The following HOXC5 variants were observed in gnomAD, a reference collection of about 807,000 sequenced individuals.
HOXC5 encodes homeobox protein Hox-C5.
A neutral mutation model predicts 20.1 loss-of-function variants in HOXC5; 19 were observed. The ratio of observed to expected loss-of-function variants is 0.94; its 90% CI spans 0.66 to 1.38. HOXC5 has a LOEUF of 1.38. Ranked by LOEUF, HOXC5 falls within the 40% of genes most tolerant of loss-of-function variation. The pLI is 0.00. For synonymous variants in HOXC5, 124 were observed against 117.0 expected (o/e 1.06, Z -0.39); for missense variants, 330 against 300.1 (o/e 1.10, Z -0.74).
the HOXC5 span, among the ~76,000 whole-genome samples, chr12:54,027,920 G>A: frequency 6.6e-6 from 1 of 151,500 alleles, no homozygotes; most frequent in Non-Finnish European, 1.5e-5. Context: ...TTTAATTATT[G>A]GTGAAAAAAA....
the HOXC5 span, among the ~76,000 whole-genome samples, chr12:54,025,528 G>T: frequency 1.5e-4 from 4 of 26,040 alleles, no homozygotes; most frequent in Admixed American, 2.3e-4. Flanking sequence ...AAAGGTAATT[G>T]GGGGGGGGGG....
At position 54,035,088 on chromosome 12, in the gene HOXC5, A is replaced by C; in HGVS notation, c.*596A>C. On this transcript the variant is annotated 3_prime_UTR_variant, in exon 2 of 2. Coordinates refer to ENST00000312492, the MANE Select transcript of HOXC5 (RefSeq NM_018953.4). ...ATGCTTTCCAAACCTTATCTCCACA[A>C]CCTCTTCCCCCCAAAACCCGGGAAC... 1 of 151,554 alleles carries C rather than the reference A, an allele frequency of 6.6e-6. No homozygotes were observed. Among genetic ancestry groups the C allele is most frequent in the Admixed American group, 6.6e-5 (1 of 15,236 alleles). The allele number at this position is 151,554 out of a possible 1,614,324, so 9.4% of individuals were successfully genotyped here. A position where few individuals can be genotyped will look rare whatever the true frequency, so the allele number is the denominator to read the frequency against.
the HOXC5 span, among the ~76,000 whole-genome samples, chr12:54,026,931 A>T: frequency 6.8e-6 from 1 of 147,568 alleles, no homozygotes; most frequent in South Asian, 2.1e-4. Context: ...TGTTATAGCC[A>T]GCTTTCCCCC....
the HOXC5 span, among the ~76,000 whole-genome samples, chr12:54,018,342 G>A: frequency 6.6e-6 from 1 of 152,190 alleles, no homozygotes; most frequent in African/African-American, 2.4e-5. Flanking sequence ...GACCTGCCTC[G>A]CCTCGGGGGG....
chr12:54,019,430 G>T, the HOXC5 span, among the ~76,000 whole-genome samples: 1 of 152,142 alleles, frequency 6.6e-6, no homozygotes, highest in Non-Finnish European at 1.5e-5. Context: ...AGTGCGGTGG[G>T]ACACAAGAGG....
upstream of HOXC5, chr12:54,029,984 CT>C: frequency 6.6e-7 from 1 of 1,505,768 alleles, no homozygotes; most frequent in Non-Finnish European, 8.9e-7. Flanking sequence ...CCTGCCACCC[CT>C]CTCTCCCTTT....
chr12:54,026,709 C>A, the HOXC5 span, among the ~76,000 whole-genome samples: 1 of 152,326 alleles, frequency 6.6e-6, no homozygotes, highest in African/African-American at 2.4e-5. Context: ...AACATGTTGT[C>A]TCCACCAGCT....
At chr12:54,033,942 T>A in intron 1 of HOXC5, 1 of 426,716 alleles carries the variant, frequency 2.3e-6, no homozygotes, top group Non-Finnish European at 4.6e-6. Context: ...TCCGGAGGAT[T>A]CCAGCGACTC....
upstream of HOXC5, chr12:54,029,483 C>A: frequency 6.5e-6 from 2 of 308,820 alleles, no homozygotes; most frequent in Non-Finnish European, 5.5e-6. Flanking sequence ...AAGTTGGGGT[C>A]CTCGCTGTAC....
upstream of HOXC5, chr12:54,029,659 C>T (rs1419309814): frequency 6.2e-7 from 1 of 1,611,198 alleles, no homozygotes; most frequent in East Asian, 2.2e-5. Flanking sequence ...CTTTAGGGGT[C>T]GGCTACGGAG....
rs878995393 is a variant in HOXC5 at position 54,034,721 on chromosome 12, G to A, written c.*229G>A. On this transcript the variant is annotated 3_prime_UTR_variant, in exon 2 of 2. Transcript: ENST00000312492. Reference sequence around the variant, plus strand: ...ATCTCCCCTCAGCTCGGCTCAGCTCGGTACCCGGGGCCCAGGGCAAGCTCC... The same window carrying A: ...ATCTCCCCTCAGCTCGGCTCAGCTCAGTACCCGGGGCCCAGGGCAAGCTCC... The A allele has an allele frequency of 1.9e-6, 1 of 534,906 alleles. No individual in the cohort carries two copies. The highest frequency in any genetic ancestry group is 2.1e-5 in the South Asian group (1 of 47,856). 33.1% of individuals were successfully genotyped at this position (534,906 alleles called of 1,614,324 possible).
chr12:54,028,561 C>T, upstream of HOXC5: 1 of 1,614,170 alleles, frequency 6.2e-7, no homozygotes, highest in Non-Finnish European at 8.5e-7. Context: ...ATCCTGCCAC[C>T]TCGCCGGGGG....
At chr12:54,028,866 C>T (rs781639621), upstream of HOXC5, 3 of 1,613,842 alleles carry the variant, frequency 1.9e-6, no homozygotes, top group African/African-American at 1.3e-5. Flanking sequence ...CGCCCCAGGA[C>T]CAGAAAGCCA....
chr12:54,018,314 A>G, the HOXC5 span, among the ~76,000 whole-genome samples: 296 of 151,926 alleles, frequency 1.9e-3, no homozygotes, highest in Admixed American at 3.7e-3. Context: ...CTCGCCACGC[A>G]TGGCTGCTCT....
chr12:54,034,893 A>G lies in HOXC5; in HGVS notation c.*401A>G. The G allele has an allele frequency of 8.3e-6, 2 of 240,670 alleles. No individual in the cohort carries two copies. The highest frequency in any genetic ancestry group is 6.1e-5 in the South Asian group (1 of 16,424). 14.9% of individuals were successfully genotyped at this position (240,670 alleles called of 1,614,324 possible). On this transcript the variant is annotated 3_prime_UTR_variant, in exon 2 of 2. Coordinates refer to ENST00000312492, the MANE Select transcript of HOXC5 (RefSeq NM_018953.4). ...CCACAGGACCCTCGCCGGACCCTCT[A>G]ACCTCGCCCTCTCCTTTGTTCCCGG...
chr12:54,028,985 T>C (rs1940858802), upstream of HOXC5: 3 of 1,477,518 alleles, frequency 2.0e-6, no homozygotes, highest in Non-Finnish European at 2.7e-6. Context: ...CCGGCTTCCC[T>C]AGAAGAACGG....
chr12:54,018,093 C>T, the HOXC5 span, among the ~76,000 whole-genome samples: 2 of 152,116 alleles, frequency 1.3e-5, no homozygotes, highest in African/African-American at 4.8e-5. Context: ...ACCCCCTGCT[C>T]CCGCCCCCAC....
upstream of HOXC5, chr12:54,028,904 G>A (rs1213353959): frequency 1.9e-6 from 3 of 1,610,596 alleles, no homozygotes; most frequent in Non-Finnish European, 2.5e-6. Flanking sequence ...TGGATGCAGC[G>A]AATGAATTCG....
the HOXC5 span, chr12:54,021,793 T>C: frequency 6.6e-6 from 1 of 152,578 alleles, no homozygotes; most frequent in Non-Finnish European, 1.5e-5. Context: ...CTCCTGTTTA[T>C]TGTGTCTGTG....
Sources: gnomAD v4.1 joint callset for allele counts (sites outside exome capture counted in the v4.1 genomes callset) on GRCh38, gnomAD v4.1.1 for gene constraint, MANE v1.5 for transcripts, NCBI Gene and HGNC (gene_info 2026-07-23, HGNC 2026-07-21) for gene names.